USP30: variants seen among roughly 807,000 people sequenced by gnomAD.
The protein encoded by USP30 is ubiquitin specific peptidase 30, also known as ubiquitin carboxyl-terminal hydrolase 30.
A neutral mutation model predicts 68.2 loss-of-function variants in USP30; 41 were observed. That is an observed-to-expected ratio of 0.60 (90% CI 0.47 to 0.78). The LOEUF (loss-of-function observed/expected upper bound fraction) is 0.78. Ranked by LOEUF, USP30 falls within the 30% of genes least tolerant of loss-of-function variation. The pLI is 0.00. For synonymous variants in USP30, 229 were observed against 253.7 expected, an observed-to-expected ratio of 0.90 and a Z score of 0.93; for missense variants, 522 against 649.4, an observed-to-expected ratio of 0.80 and a Z score of 2.13.
At chr12:109,065,011 T>C (rs751009413) in intron 3 of USP30, among the ~76,000 whole-genome samples, 2 of 152,196 alleles carry the variant, frequency 1.3e-5, no homozygotes, top group Non-Finnish European at 2.9e-5. Flanking sequence ...GCCTGGACTT[T>C]ATTATTATTT....
intron 3 of USP30, among the ~76,000 whole-genome samples, chr12:109,064,094 G>T (rs550042494): frequency 8.5e-5 from 13 of 152,094 alleles, no homozygotes; most frequent in African/African-American, 2.9e-4. Context: ...GGATGGTCTC[G>T]ATCTCTTGAC....
At chr12:109,067,017 CAT>C (rs2041275431) in intron 3 of USP30, among the ~76,000 whole-genome samples, 4 of 150,744 alleles carry the variant, frequency 2.7e-5, no homozygotes, top group Admixed American at 1.3e-4. Context: ...ATTCAGTAAA[CAT>C]AAATGCCTAA....
chr12:109,024,986 A>G (rs2135645370), exon 2 of USP30: 2 of 152,394 alleles, frequency 1.3e-5, no homozygotes, highest in South Asian at 4.1e-4. Context: ...GTCTGAGTGG[A>G]CAAAGTTCAG....
At chr12:109,032,609 T>C (rs946675447) in intron 3 of USP30, among the ~76,000 whole-genome samples, 7 of 152,156 alleles carry the variant, frequency 4.6e-5, no homozygotes, top group African/African-American at 1.7e-4. Context: ...GGCAAATCCA[T>C]AGAGACAGAG....
intron 3 of USP30, among the ~76,000 whole-genome samples, chr12:109,046,802 T>A (rs1251256774): frequency 6.6e-6 from 1 of 152,102 alleles, no homozygotes; most frequent in East Asian, 1.9e-4. Context: ...GTTCAAGCAA[T>A]CCTCCCACCT....
At chr12:109,076,476 G>A (rs2041611497) in intron 7 of USP30, among the ~76,000 whole-genome samples, 1 of 151,104 alleles carries the variant, frequency 6.6e-6, no homozygotes, top group Admixed American at 6.6e-5. Flanking sequence ...AAATAAGAGT[G>A]ATGATGGCAG....
intron 3 of USP30, 81 bp from the exon 4 acceptor site, chr12:109,067,443 T>G: frequency 4.8e-6 from 6 of 1,251,250 alleles, no homozygotes; most frequent in South Asian, 1.3e-5. Flanking sequence ...TAATTAACTT[T>G]GATATGTTAT....
At chr12:109,078,963 A>G (rs748015329) in intron 7 of USP30, among the ~76,000 whole-genome samples, 1 of 152,068 alleles carries the variant, frequency 6.6e-6, no homozygotes, top group Non-Finnish European at 1.5e-5. Flanking sequence ...CATTTATATC[A>G]TTCTTGTCTA....
chr12:109,073,997 A>G (rs955061534), intron 7 of USP30, among the ~76,000 whole-genome samples: 1 of 152,082 alleles, frequency 6.6e-6, no homozygotes, highest in African/African-American at 2.4e-5. Flanking sequence ...ATTGCCCCCT[A>G]AAGAAACTCC....
chr12:109,067,107 A>ATTTTT (rs754748366), intron 3 of USP30, among the ~76,000 whole-genome samples: 35 of 104,560 alleles, frequency 3.3e-4, no homozygotes, highest in African/African-American at 5.0e-4. Flanking sequence ...ACAGTCCTTA[A>ATTTTT]TTTTTTTTTT....
intron 7 of USP30, 114 bp downstream of exon 7, chr12:109,073,646 G>T: frequency 1.1e-6 from 1 of 890,998 alleles, no homozygotes; most frequent in Non-Finnish European, 1.8e-6. Flanking sequence ...AGACTACCTG[G>T]CCTCTGCACA....
intron 1 of USP30, among the ~76,000 whole-genome samples, chr12:109,024,411 C>T (rs2040429115): frequency 1.3e-5 from 2 of 151,942 alleles, no homozygotes; most frequent in Admixed American, 1.3e-4. Context: ...GTGTGCGCCA[C>T]CATGCCAGGC....
intron 11 of USP30, among the ~76,000 whole-genome samples, chr12:109,083,525 G>C (rs1190190531): frequency 6.6e-6 from 1 of 152,070 alleles, no homozygotes; most frequent in Non-Finnish European, 1.5e-5. Flanking sequence ...GCCCTCAGCT[G>C]AGGTCTCATT....
At chr12:109,058,354 A>C (rs2135720471) in intron 3 of USP30, among the ~76,000 whole-genome samples, 1 of 152,294 alleles carries the variant, frequency 6.6e-6, no homozygotes, top group Middle Eastern at 3.4e-3. Flanking sequence ...GTGGATCACG[A>C]GGTCAGGAGT....
In USP30 at chr12:109,085,652, G is replaced by A. The variant is rs139043869; in HGVS notation, c.1290-15G>A. On this transcript the variant is annotated splice_polypyrimidine_tract_variant and intron_variant, in intron 12 of 12. Coordinates refer to ENST00000257548, the MANE Select transcript of USP30 (RefSeq NM_032663.5). ...TTAAAATTGTAAACCCCTGACATGT[G>A]TTCGTATCATTCAGCTCCTCCACAT... is the stretch of plus-strand genomic sequence containing the variant. 7.7e-4 allele frequency: 1,250 copies of A among 1,613,038 alleles called. 2 individuals carry two copies. Among genetic ancestry groups the A allele is most frequent in the Non-Finnish European group, 9.8e-4 (1,160 of 1,179,234 alleles).
chr12:109,044,159 G>A (rs1473617467), intron 3 of USP30, among the ~76,000 whole-genome samples: 1 of 152,230 alleles, frequency 6.6e-6, no homozygotes, highest in Non-Finnish European at 1.5e-5. Flanking sequence ...GATACTTAGA[G>A]TAGTTGAATA....
chr12:109,082,788 C>T (rs951198341), intron 10 of USP30, 45 bp downstream of exon 10: 16 of 1,609,678 alleles, frequency 9.9e-6, no homozygotes, highest in African/African-American at 1.3e-5. Flanking sequence ...TTGAGGACTC[C>T]GTGTATCCTG....
chr12:109,033,119 T>G (rs368292115), intron 3 of USP30, among the ~76,000 whole-genome samples: 1 of 152,138 alleles, frequency 6.6e-6, no homozygotes, highest in Admixed American at 6.5e-5. Flanking sequence ...GGACTTAAAT[T>G]CAAAAAATGG....
At chr12:109,046,917 G>A (rs1593227248) in intron 3 of USP30, among the ~76,000 whole-genome samples, 1 of 152,080 alleles carries the variant, frequency 6.6e-6, no homozygotes, top group South Asian at 2.1e-4. Flanking sequence ...GGCTGGTCTC[G>A]AACTCCTGAC....
Sources: allele counts gnomAD v4.1 joint callset (sites outside exome capture counted in the v4.1 genomes callset), GRCh38; gene constraint gnomAD v4.1.1; transcripts MANE v1.5; gene names NCBI Gene and HGNC (gene_info 2026-07-23, HGNC 2026-07-21).